Variants in PVT1 observed in about 807,000 individuals in gnomAD.
PVT1 encodes the protein CXCR4/PVT1 fusion.
chr8:127,816,775 C>CG (rs897240628), intron 2 of PVT1, among the ~76,000 whole-genome samples: 2 of 152,190 alleles, frequency 1.3e-5, no homozygotes, highest in Non-Finnish European at 2.9e-5. Context: ...CCACCCGCCT[C>CG]GGCCTCCCGT....
intron 5 of PVT1, among the ~76,000 whole-genome samples, chr8:128,079,258 A>G (rs1814140780): frequency 6.6e-6 from 1 of 152,206 alleles, no homozygotes; most frequent in Non-Finnish European, 1.5e-5. Context: ...CATTAGATCA[A>G]AGGATATGAC....
intron 2 of PVT1, among the ~76,000 whole-genome samples, chr8:127,882,466 T>C (rs187510155): frequency 1.9e-3 from 291 of 152,174 alleles, no homozygotes; most frequent in African/African-American, 6.7e-3. Flanking sequence ...ATCGTCTTTT[T>C]GGCATCAGTT....
intron 2 of PVT1, among the ~76,000 whole-genome samples, chr8:127,812,307 C>T (rs1038059120): frequency 2.2e-4 from 30 of 138,032 alleles, no homozygotes; most frequent in Admixed American, 4.9e-4. Context: ...AAAGGCTGGG[C>T]GTGGTAGCTC....
At chr8:127,799,211 C>T (rs1021688516) in intron 2 of PVT1, among the ~76,000 whole-genome samples, 1 of 151,374 alleles carries the variant, frequency 6.6e-6, no homozygotes, top group Non-Finnish European at 1.5e-5. Flanking sequence ...AGAACAGGGG[C>T]GTCTAAGTGC....
chr8:128,032,112 G>A (rs1813398772), intron 4 of PVT1, among the ~76,000 whole-genome samples: 1 of 152,188 alleles, frequency 6.6e-6, no homozygotes, highest in Non-Finnish European at 1.5e-5. Flanking sequence ...CTTGGAGGCG[G>A]AATCATTTTG....
chr8:127,937,782 A>G (rs1816297065), intron 3 of PVT1, among the ~76,000 whole-genome samples: 1 of 152,134 alleles, frequency 6.6e-6, no homozygotes, highest in African/African-American at 2.4e-5. Flanking sequence ...AATTCAATTC[A>G]ATCTTTATGG....
intron 2 of PVT1, among the ~76,000 whole-genome samples, chr8:127,890,058 A>G (rs1489294781): frequency 6.6e-6 from 1 of 152,192 alleles, no homozygotes; most frequent in African/African-American, 2.4e-5. Flanking sequence ...ATGAGTAAGA[A>G]CAGAACAGGT....
intron 5 of PVT1, among the ~76,000 whole-genome samples, chr8:128,092,076 C>G (rs1007908567): frequency 2.0e-5 from 3 of 151,946 alleles, no homozygotes; most frequent in Non-Finnish European, 4.4e-5. Flanking sequence ...TGACACCTAC[C>G]TCTCCATCCC....
chr8:127,925,329 A>T (rs1816116102), intron 3 of PVT1, among the ~76,000 whole-genome samples: 1 of 152,216 alleles, frequency 6.6e-6, no homozygotes, highest in Non-Finnish European at 1.5e-5. Context: ...AAGATGAAAA[A>T]TCAAAAAAAT....
intron 4 of PVT1, among the ~76,000 whole-genome samples, chr8:128,021,537 C>T (rs1817437850): frequency 1.3e-5 from 2 of 152,152 alleles, no homozygotes; most frequent in African/African-American, 4.8e-5. Context: ...TCGTGATCCG[C>T]CCTCCTCGGC....
chr8:127,962,106 C>G (rs1246618532), intron 3 of PVT1, among the ~76,000 whole-genome samples: 1 of 152,256 alleles, frequency 6.6e-6, no homozygotes, highest in African/African-American at 2.4e-5. Flanking sequence ...TCCCAAGTAG[C>G]TGGGCCTGCA....
At chr8:127,901,039 GA>G (rs1815752926) in intron 3 of PVT1, among the ~76,000 whole-genome samples, 1 of 152,230 alleles carries the variant, frequency 6.6e-6, no homozygotes. Flanking sequence ...AGAAGCAGCA[GA>G]AAGAACAAAG....
At chr8:127,945,725 C>T (rs113735194) in intron 3 of PVT1, among the ~76,000 whole-genome samples, 4 of 152,330 alleles carry the variant, frequency 2.6e-5, no homozygotes, top group African/African-American at 9.6e-5. Flanking sequence ...TTTTTTCTGT[C>T]ACGTAGCCAT....
At chr8:127,921,854 G>GTTTTTTTTTTTTTTTTTTTTTTTTTTTTT (rs71300279) in intron 3 of PVT1, among the ~76,000 whole-genome samples, 3 of 71,906 alleles carry the variant, frequency 4.2e-5, no homozygotes, top group African/African-American at 1.2e-4. Flanking sequence ...TTTGGTTCAT[G>GTTTTTTTTTTTTTTTTTTTTTTTTTTTTT]TTTTTTTTTT....
At chr8:127,827,435 C>A (rs573775981) in intron 2 of PVT1, among the ~76,000 whole-genome samples, 13 of 152,184 alleles carry the variant, frequency 8.5e-5, no homozygotes, top group Non-Finnish European at 1.8e-4. Context: ...CTCTGGTTCA[C>A]CCCCTGGGGC....
At chr8:128,053,886 G>A (rs1392025) in intron 4 of PVT1, among the ~76,000 whole-genome samples, 6,960 of 152,308 alleles carry the variant, frequency 0.046, 177 homozygotes, top group South Asian at 0.087. Flanking sequence ...AGCTGGTTCC[G>A]TCCTTGTATC....
chr8:127,809,197 T>C (rs1457690567), intron 2 of PVT1, among the ~76,000 whole-genome samples: 1 of 152,028 alleles, frequency 6.6e-6, no homozygotes, highest in Non-Finnish European at 1.5e-5. Flanking sequence ...AAGTTTTCAT[T>C]TTTTTCTTTT....
chr8:127,966,622 T>G (rs568024486), intron 3 of PVT1, among the ~76,000 whole-genome samples: 6 of 152,338 alleles, frequency 3.9e-5, no homozygotes, highest in Admixed American at 6.5e-5. Context: ...GTGGGGCTGT[T>G]GAACACTTGA....
intron 4 of PVT1, among the ~76,000 whole-genome samples, chr8:128,065,528 T>A (rs915004324): frequency 6.6e-6 from 1 of 152,178 alleles, no homozygotes; most frequent in Non-Finnish European, 1.5e-5. Context: ...GCTGTTTTTT[T>A]CCCTTTGGTC....
Sources: gnomAD v4.1 joint callset for allele counts (sites outside exome capture counted in the v4.1 genomes callset) on GRCh38, gnomAD v4.1.1 for gene constraint, MANE v1.5 for transcripts, NCBI Gene and HGNC (gene_info 2026-07-23, HGNC 2026-07-21) for gene names.